CTIF: variants seen among roughly 807,000 people sequenced by gnomAD.
CTIF encodes CBP80/20-dependent translation initiation factor.
Under a neutral mutation model 66.0 loss-of-function variants are expected in CTIF, and 21 were observed. The observed-to-expected ratio is 0.32, with a 90% CI of 0.23 to 0.46. CTIF has a LOEUF of 0.46. Ranked by LOEUF, CTIF falls within the 20% of genes least tolerant of loss-of-function variation. The pLI, the probability that CTIF is intolerant of heterozygous loss-of-function variation, is 1.00. For synonymous variants in CTIF, 345 were observed against 326.4 expected, an observed-to-expected ratio of 1.06 and a Z score of -0.62; for missense variants, 739 against 812.7, an observed-to-expected ratio of 0.91 and a Z score of 1.10.
chr18:48,557,465 C>A (rs1031844648), intron 1 of CTIF, among the ~76,000 whole-genome samples: 6 of 152,214 alleles, frequency 3.9e-5, no homozygotes, highest in African/African-American at 1.4e-4. Context: ...AGAAGCCTGG[C>A]AGCTTTGGCC....
chr18:48,610,637 G>A (rs142602849), intron 1 of CTIF, among the ~76,000 whole-genome samples: 2 of 152,226 alleles, frequency 1.3e-5, no homozygotes, highest in African/African-American at 2.4e-5. Context: ...CATTCTGGGT[G>A]CCAGCACTGC....
In CTIF at chr18:48,767,722, C is replaced by T. The variant is rs190022883; in HGVS notation, c.1371+6033C>T. ...TGTGACCAGATTTCAAAATAAATTG[C>T]TCTTCTCTAGCACCTTCTAGAAGAC... On this transcript the variant is annotated intron_variant, in intron 9 of 11. Coordinates refer to ENST00000256413, the MANE Select transcript of CTIF (RefSeq NM_014772.3). 4.4e-4 allele frequency among the ~76,000 whole-genome samples: 67 copies of T among 152,266 alleles called. 2 individuals are homozygous for T. The South Asian group carries it at 0.013, about 30-fold the overall frequency.
chr18:48,806,685 G>A (rs1377441253), intron 9 of CTIF, among the ~76,000 whole-genome samples: 3 of 152,166 alleles, frequency 2.0e-5, no homozygotes, highest in Non-Finnish European at 2.9e-5. Context: ...GGGTGGTGTG[G>A]GGGTGTTTTT....
intron 7 of CTIF, among the ~76,000 whole-genome samples, chr18:48,725,463 G>A (rs1034603804): frequency 6.6e-6 from 1 of 152,090 alleles, no homozygotes; most frequent in African/African-American, 2.4e-5. Flanking sequence ...AGACAGCCCC[G>A]GTGTATTTTG....
intron 1 of CTIF, among the ~76,000 whole-genome samples, chr18:48,585,799 G>T (rs1034181293): frequency 1.3e-5 from 2 of 152,152 alleles, no homozygotes; most frequent in Non-Finnish European, 2.9e-5. Flanking sequence ...GACAGAATCG[G>T]CTCAGAGCGT....
chr18:48,692,129 T>C (rs1361598789), intron 6 of CTIF, among the ~76,000 whole-genome samples: 1 of 152,140 alleles, frequency 6.6e-6, no homozygotes, highest in East Asian at 1.9e-4. Flanking sequence ...TTTTATCCTT[T>C]TCAAAAACCT....
chr18:48,774,382 T>G lies in CTIF; in HGVS notation c.1371+12693T>G, dbSNP rs138155246. ...GGTCCCTGTACACCGCCAGAGTGCC[T>G]CACTGCCTCCCACCTAGAGCTCAGG... On this transcript the variant is annotated intron_variant, in intron 9 of 11. Coordinates refer to ENST00000256413, the MANE Select transcript of CTIF (RefSeq NM_014772.3). Among the ~76,000 whole-genome samples the G allele has an allele frequency of 3.6e-3, 553 of 152,084 alleles. 5 individuals are homozygous for G. The highest frequency in any genetic ancestry group is 0.012 in the African/African-American group (505 of 41,470).
intron 10 of CTIF, among the ~76,000 whole-genome samples, chr18:48,819,272 C>T (rs1287134681): frequency 4.6e-5 from 7 of 152,238 alleles, no homozygotes; most frequent in Non-Finnish European, 1.0e-4. Context: ...GGCAGCTCTG[C>T]TTTTTGCACC....
chr18:48,730,578 GGGGCCCCTGTGGTGT>G lies in CTIF; in HGVS notation c.584+18885_584+18899del, dbSNP rs1312799608. ...TGTGTGAGGGGCTTCTGCGGTGTGA[GGGGCCCCTGTGGTGT>G]GAGGGGCTTCTGCTGTGTGAGGGGC... On this transcript the variant is annotated intron_variant, in intron 7 of 11. Transcript: ENST00000256413. 5.2e-4 allele frequency among the ~76,000 whole-genome samples: 24 copies of G among 46,594 alleles called. 9 individuals carry two copies. Among genetic ancestry groups the G allele is most frequent in the Non-Finnish European group, 8.4e-4 (17 of 20,244 alleles). 30.6% of individuals were successfully genotyped at this position (46,594 alleles called of 152,430 possible).
chr18:48,834,926 C>T (rs953002633), intron 10 of CTIF, among the ~76,000 whole-genome samples: 2 of 152,198 alleles, frequency 1.3e-5, no homozygotes, highest in Non-Finnish European at 2.9e-5. Context: ...GCTGTCAGTT[C>T]GCTCCCTTCT....
intron 1 of CTIF, among the ~76,000 whole-genome samples, chr18:48,599,068 G>A (rs978277236): frequency 2.0e-5 from 3 of 152,176 alleles, no homozygotes; most frequent in African/African-American, 7.2e-5. Flanking sequence ...GGGGGCCTGA[G>A]AGCTTTAACA....
chr18:48,586,307 C>T (rs930983144), intron 1 of CTIF, among the ~76,000 whole-genome samples: 2 of 148,924 alleles, frequency 1.3e-5, no homozygotes, highest in Non-Finnish European at 3.0e-5. Context: ...GACAGAGACT[C>T]GCTCTGTTGC....
At chr18:48,721,776 C>G (rs1205095147) in intron 7 of CTIF, among the ~76,000 whole-genome samples, 2 of 151,856 alleles carry the variant, frequency 1.3e-5, no homozygotes, top group African/African-American at 4.8e-5. Context: ...CTGACACTCA[C>G]TCCTGTGCAG....
intron 10 of CTIF, among the ~76,000 whole-genome samples, chr18:48,857,368 C>T (rs895218619): frequency 3.3e-5 from 5 of 152,256 alleles, no homozygotes; most frequent in African/African-American, 7.2e-5. Context: ...CACTGACCTC[C>T]AGCTGCTCTA....
At chr18:48,789,753 A>G (rs2067751923) in intron 9 of CTIF, among the ~76,000 whole-genome samples, 1 of 152,244 alleles carries the variant, frequency 6.6e-6, no homozygotes, top group African/African-American at 2.4e-5. Context: ...TATCCAAAGG[A>G]ATCTTGAAAA....
intron 2 of CTIF, among the ~76,000 whole-genome samples, chr18:48,621,051 ATTTG>A (rs1436862924): frequency 2.6e-5 from 4 of 152,134 alleles, no homozygotes; most frequent in African/African-American, 7.2e-5. Context: ...CAAGCTTATA[ATTTG>A]TTTGTTATTC....
chr18:48,738,298 A>G (rs1447422679), intron 7 of CTIF, among the ~76,000 whole-genome samples: 1 of 152,086 alleles, frequency 6.6e-6, no homozygotes, highest in Non-Finnish European at 1.5e-5. Flanking sequence ...CTATAACATT[A>G]CTATCTTTGA....
rs553996628 is a variant in CTIF at position 48,571,168 on chromosome 18, TTTTG to T, written c.-29+31881_-29+31884del. ...CCTGGAGGTAACAGTTTGGGTTTGT[TTTTG>T]TTTGTTTGTTTGTTTGTTTGTTTGC... On this transcript the variant is annotated intron_variant, in intron 1 of 11. Coordinates refer to ENST00000256413, the MANE Select transcript of CTIF (RefSeq NM_014772.3). Among the ~76,000 whole-genome samples the T allele has an allele frequency of 9.9e-4, 151 of 152,020 alleles. 3 individuals carry two copies. In the South Asian group the frequency reaches 0.016, roughly 17 times the overall value.
At chr18:48,543,728 T>TA (rs1282448742) in intron 1 of CTIF, among the ~76,000 whole-genome samples, 2 of 152,132 alleles carry the variant, frequency 1.3e-5, no homozygotes, top group Non-Finnish European at 2.9e-5. Context: ...GCAGAGTGGG[T>TA]AAAAAATCCT....
Sources: allele counts gnomAD v4.1 joint callset (sites outside exome capture counted in the v4.1 genomes callset), GRCh38; gene constraint gnomAD v4.1.1; transcripts MANE v1.5; gene names NCBI Gene and HGNC (gene_info 2026-07-23, HGNC 2026-07-21).